PKHD1: variants seen among roughly 807,000 people sequenced by gnomAD.
PKHD1 encodes the protein PKHD1 ciliary IPT domain containing fibrocystin/polyductin.
A neutral mutation model predicts 412.0 loss-of-function variants in PKHD1; 291 were observed. The ratio of observed to expected loss-of-function variants is 0.71; its 90% CI spans 0.64 to 0.78. The LOEUF is 0.78. PKHD1 is among the 30% of genes least tolerant of loss of function. PKHD1 has a pLI of 0.00. For synonymous variants in PKHD1, 1,777 were observed against 1,821.5 expected, an observed-to-expected ratio of 0.98 and a Z score of 0.62; for missense variants, 4,825 against 4,950.7, an observed-to-expected ratio of 0.97 and a Z score of 0.76.
chr6:51,678,320 G>A (rs2150548187), intron 60 of PKHD1, among the ~76,000 whole-genome samples: 1 of 152,260 alleles, frequency 6.6e-6, no homozygotes, highest in South Asian at 2.1e-4. Context: ...GATGACGTAT[G>A]CACAGAGTGA....
chr6:51,629,147 G>A (rs990429531), intron 65 of PKHD1, among the ~76,000 whole-genome samples: 2 of 152,030 alleles, frequency 1.3e-5, no homozygotes, highest in Non-Finnish European at 2.9e-5. Context: ...TCTGGACATA[G>A]GCCTTGGCAA....
chr6:51,721,454 T>C, intron 60 of PKHD1: 2 of 761,202 alleles, frequency 2.6e-6, no homozygotes, highest in Non-Finnish European at 3.2e-6. Context: ...AAGAGAGAAA[T>C]AAAATAAGGC....
intron 57 of PKHD1, among the ~76,000 whole-genome samples, chr6:51,750,651 A>T (rs999253940): frequency 6.6e-6 from 1 of 152,068 alleles, no homozygotes; most frequent in Non-Finnish European, 1.5e-5. Flanking sequence ...TTAATGTCTT[A>T]TGCTTCCATG....
intron 60 of PKHD1, among the ~76,000 whole-genome samples, chr6:51,727,500 C>T (rs1004583334): frequency 6.6e-6 from 1 of 152,208 alleles, no homozygotes; most frequent in Non-Finnish European, 1.5e-5. Context: ...TGGTGTTTCA[C>T]TGTTAACTGT....
At chr6:51,727,278 C>T (rs934703121) in intron 60 of PKHD1, among the ~76,000 whole-genome samples, 9 of 151,994 alleles carry the variant, frequency 5.9e-5, no homozygotes, top group Admixed American at 2.6e-4. Context: ...GGAAGGTATC[C>T]GAGTTACCAG....
At chr6:51,756,254 G>A (rs1462526962) in intron 55 of PKHD1, among the ~76,000 whole-genome samples, 1 of 152,132 alleles carries the variant, frequency 6.6e-6, no homozygotes, top group Non-Finnish European at 1.5e-5. Flanking sequence ...CCCAGTTACA[G>A]AATATTTAAG....
Position 51,821,930 on chromosome 6 carries a change from G to A in PKHD1, c.8302+8931C>T, listed in dbSNP as rs567673291. ...TCAAACTCCTGACCTCAAGTGATCC[G>A]CCTGCCTCGGACTCCCAAAGTGCTG... On this transcript the variant is annotated intron_variant, in intron 52 of 66. Coordinates refer to ENST00000371117, the MANE Select transcript of PKHD1 (RefSeq NM_138694.4). Among the ~76,000 whole-genome samples, 26 of 152,160 alleles carry A rather than the reference G, an allele frequency of 1.7e-4. 1 individual carries two copies. In the East Asian group the frequency reaches 3.7e-3, roughly 21 times the overall value.
chr6:51,945,662 A>G (rs1229227999), intron 36 of PKHD1, among the ~76,000 whole-genome samples: 1 of 152,248 alleles, frequency 6.6e-6, no homozygotes, highest in African/African-American at 2.4e-5. Flanking sequence ...GAAAGCTAAC[A>G]TTTATTCAGC....
chr6:51,920,025 G>A (rs886338137), intron 37 of PKHD1, among the ~76,000 whole-genome samples: 4 of 152,196 alleles, frequency 2.6e-5, no homozygotes, highest in Non-Finnish European at 5.9e-5. Flanking sequence ...GGAGATTCTG[G>A]GCTGAGAGGA....
At chr6:51,649,064 T>C in intron 62 of PKHD1, 21 bp downstream of exon 62, 1 of 1,610,448 alleles carries the variant, frequency 6.2e-7, no homozygotes, top group Non-Finnish European at 8.5e-7. Flanking sequence ...AAAGACAGAT[T>C]TGTTACCTGT....
At chr6:52,017,930 C>T (rs1800798903) in intron 33 of PKHD1, among the ~76,000 whole-genome samples, 1 of 152,214 alleles carries the variant, frequency 6.6e-6, no homozygotes, top group East Asian at 1.9e-4. Flanking sequence ...TCCCTTTCCT[C>T]CTCATTCTCA....
At position 51,791,349 on chromosome 6, in the gene PKHD1, T is replaced by A; in HGVS notation, c.8327A>T (p.Asp2776Val). 2 of 1,613,584 alleles carry A rather than the reference T, an allele frequency of 1.2e-6. No homozygotes were observed. The highest frequency in any genetic ancestry group is 1.7e-6 in the Non-Finnish European group (2 of 1,179,610). The part of the protein sequence containing the change: ...LPNRTVLVDT[D>V]LPFFKGLYVM... ...ATACAGCCCTTTGAAGAATGGAAGATCTGTATCCACAAGGACAGTTCTGTC... is the reference window on the plus strand; with the variant it reads ...ATACAGCCCTTTGAAGAATGGAAGAACTGTATCCACAAGGACAGTTCTGTC... Residue 2776 changes from aspartate to valine, a missense_variant, in exon 53 of 67, where the codon GAT becomes GTT. Transcript: ENST00000371117.
intron 60 of PKHD1, among the ~76,000 whole-genome samples, chr6:51,661,528 T>C (rs996328239): frequency 1.3e-5 from 2 of 151,808 alleles, no homozygotes; most frequent in African/African-American, 4.8e-5. Context: ...TCCCTAAACA[T>C]AAAAAGTAAA....
At chr6:51,789,787 T>G (rs1243193939) in intron 53 of PKHD1, among the ~76,000 whole-genome samples, 1 of 152,150 alleles carries the variant, frequency 6.6e-6, no homozygotes, top group Non-Finnish European at 1.5e-5. Context: ...ATAAACTGTA[T>G]GACCTAAAAC....
chr6:51,897,609 C>T (rs1353785131), intron 43 of PKHD1, among the ~76,000 whole-genome samples: 8 of 144,966 alleles, frequency 5.5e-5, no homozygotes, highest in Non-Finnish European at 1.2e-4. Context: ...CATCAACTAA[C>T]GAGCAAAATC....
chr6:51,787,462 G>A (rs1483354118), intron 53 of PKHD1, among the ~76,000 whole-genome samples: 1 of 151,852 alleles, frequency 6.6e-6, no homozygotes, highest in East Asian at 1.9e-4. Context: ...GCAGCACTCT[G>A]TGCCAATGTC....
chr6:51,802,623 GTAAA>G (rs1172911920), intron 52 of PKHD1, among the ~76,000 whole-genome samples: 2 of 151,374 alleles, frequency 1.3e-5, no homozygotes, highest in Non-Finnish European at 1.5e-5. Context: ...TCAACTTTTA[GTAAA>G]TAAATATATT....
chr6:51,982,678 G>A (rs1199685295), intron 35 of PKHD1, among the ~76,000 whole-genome samples: 1 of 146,666 alleles, frequency 6.8e-6, no homozygotes, highest in South Asian at 2.2e-4. Context: ...ACTGCGGAAG[G>A]CCGCAGGGTC....
intron 65 of PKHD1, among the ~76,000 whole-genome samples, chr6:51,631,298 T>C (rs1330525753): frequency 6.6e-6 from 1 of 152,116 alleles, no homozygotes; most frequent in African/African-American, 2.4e-5. Flanking sequence ...CACAGCAACA[T>C]AAGGCAGAAC....
Sources: allele counts gnomAD v4.1 joint callset (sites outside exome capture counted in the v4.1 genomes callset), GRCh38; gene constraint gnomAD v4.1.1; transcripts MANE v1.5; gene names NCBI Gene and HGNC (gene_info 2026-07-23, HGNC 2026-07-21).